Variants in GCN1 observed in about 807,000 individuals in gnomAD.
GCN1 encodes the protein GCN1 activator of EIF2AK4.
A neutral mutation model predicts 288.4 loss-of-function variants in GCN1; 90 were observed. The ratio of observed to expected loss-of-function variants is 0.31; its 90% CI spans 0.26 to 0.37. The LOEUF (loss-of-function observed/expected upper bound fraction) is 0.37. Ranked by LOEUF, GCN1 falls within the 10% of genes least tolerant of loss-of-function variation. The pLI, the probability that GCN1 is intolerant of heterozygous loss-of-function variation, is 1.00. For synonymous variants in GCN1, 1,386 were observed against 1,420.2 expected (o/e 0.98, Z 0.54); for missense variants, 2,586 against 3,419.9 (o/e 0.76, Z 6.08).
At position 120,153,743 on chromosome 12, in the gene GCN1, C is replaced by A; in HGVS notation, c.3867+1G>T. The A allele has an allele frequency of 6.2e-7, 1 of 1,613,660 alleles. No homozygotes were observed. Among genetic ancestry groups the A allele is most frequent in the Non-Finnish European group, 8.5e-7 (1 of 1,179,720 alleles). ...GTGTTCCCTGGCTGGGACCCCCTTACCTTCCCATGAGTGTTGAGCGTTGCG... is the reference window on the plus strand; with the variant it reads ...GTGTTCCCTGGCTGGGACCCCCTTAACTTCCCATGAGTGTTGAGCGTTGCG... On this transcript the variant is annotated splice_donor_variant, in intron 32 of 57. Coordinates refer to ENST00000300648, the MANE Select transcript of GCN1 (RefSeq NM_006836.2). LOFTEE classifies it high-confidence loss of function. The surrounding 1 kb of genome is among the most constrained non-coding windows in gnomAD (Gnocchi z 4.4).
chr12:120,140,883 G>T lies in GCN1; in HGVS notation c.5970C>A (p.Ile1990=). The change falls in exon 45 of 58, where the codon ATC becomes ATA. Residue 1990 remains isoleucine (I), a synonymous_variant. Coordinates refer to ENST00000300648, the MANE Select transcript of GCN1 (RefSeq NM_006836.2). ...RQGVCIGLSE[I]MKSTSRDAVL... ...CGGCATCCCGGCTGGTGGACTTCAT[G>T]ATCTCACTTAGGCCAATGCACACAC... 6.2e-7 allele frequency: 1 copy of T among 1,613,908 alleles called. No individual in the cohort carries two copies. Among genetic ancestry groups the T allele is most frequent in the Non-Finnish European group, 8.5e-7 (1 of 1,179,898 alleles).
rs745969478 is a variant in GCN1, at chr12:120,161,553, G to T, written c.2373C>A (p.Asn791Lys). The T allele has an allele frequency of 1.8e-5, 29 of 1,613,836 alleles. No individual in the cohort carries two copies. Among genetic ancestry groups the T allele is most frequent in the Non-Finnish European group, 2.3e-5 (27 of 1,179,828 alleles). Residue 791 changes from asparagine (N) to lysine (K), a missense_variant, in exon 22 of 58, where the codon AAC becomes AAA. Transcript: ENST00000300648. Reference sequence around the variant, plus strand: ...AATAAGCTTTGTTCTCTCGCTTCATGTTGGCCTTTTTTATGCTGTCCTGCT... The same window carrying T: ...AATAAGCTTTGTTCTCTCGCTTCATTTTGGCCTTTTTTATGCTGTCCTGCT... The part of the protein sequence containing the change: ...SAQQDSIKKA[N>K]MKRENKAYSF...
intron 14 of GCN1, among the ~76,000 whole-genome samples, chr12:120,173,120 C>A (rs1393883942): frequency 6.7e-6 from 1 of 148,280 alleles, no homozygotes. Context: ...AGTACAATGG[C>A]GCAATCTCGG....
At chr12:120,130,873 C>A (rs1390533415) in intron 55 of GCN1, 120 bp from the exon 56 acceptor site, 1 of 644,182 alleles carries the variant, frequency 1.6e-6, no homozygotes, top group East Asian at 2.7e-5. Flanking sequence ...TCACCCCTTA[C>A]ACCATGACAG....
chr12:120,131,474 C>A, intron 54 of GCN1, 141 bp from the exon 55 acceptor site: 1 of 747,716 alleles, frequency 1.3e-6, no homozygotes, highest in South Asian at 1.8e-5. Context: ...TTCACATGGA[C>A]CTCCCTGCTA....
In GCN1 at chr12:120,144,516, C is replaced by A; in HGVS notation, c.5353-68G>T. The A allele has an allele frequency of 6.3e-7, 1 of 1,578,082 alleles. No individual in the cohort carries two copies. The highest frequency in any genetic ancestry group is 8.6e-7 in the Non-Finnish European group (1 of 1,159,300). ...GGCCCCCAGCCCAAAAAACATGGGG[C>A]TCACTGAAGGCTGAGGGCTCTGCCA... On this transcript the variant is annotated intron_variant, in intron 41 of 57. Transcript: ENST00000300648. The surrounding 1 kb of genome is among the most constrained non-coding windows in gnomAD (Gnocchi z 4.7).
chr12:120,155,727 G>A lies in GCN1; in HGVS notation c.3313-8C>T, dbSNP rs1162505688. ...GTGGAGTTCCATCAGCCCCTGGAAG[G>A]GGTGGGATTGGACCGTGTGAGGCAT... is the stretch of plus-strand genomic sequence containing the variant. On this transcript the variant is annotated splice_region_variant and splice_polypyrimidine_tract_variant and intron_variant, in intron 28 of 57. Transcript: ENST00000300648. This position sits in a 1 kb window ranked among gnomAD's most constrained non-coding sequence, Gnocchi z 4.9. 2 of 1,613,840 alleles carry A rather than the reference G, an allele frequency of 1.2e-6. No homozygotes were observed. The highest frequency in any genetic ancestry group is 8.5e-7 in the Non-Finnish European group (1 of 1,179,906).
chr12:120,150,586 AAAAG>A (rs766827133), intron 34 of GCN1, among the ~76,000 whole-genome samples: 43 of 150,200 alleles, frequency 2.9e-4, no homozygotes, highest in Admixed American at 5.3e-4. Flanking sequence ...TCTCAAAAAA[AAAAG>A]AAAGAAAGAA....
At position 120,178,751 on chromosome 12, in the gene GCN1, C is replaced by T; in HGVS notation, c.534G>A (p.Gly178=). ...TGGCTGACAAGTACTGTTCCACCAGCCCGGGGTTCTGAAGAGGAAAGTGCC... is the reference window on the plus strand; with the variant it reads ...TGGCTGACAAGTACTGTTCCACCAGTCCGGGGTTCTGAAGAGGAAAGTGCC... ...KLTKLWKENP[G]LVEQYLSAIL... The change falls in exon 7 of 58, where the codon GGG becomes GGA. Residue 178 remains glycine (G), a synonymous_variant. Transcript: ENST00000300648. 6.2e-7 allele frequency: 1 copy of T among 1,614,240 alleles called. No individual in the cohort carries two copies.
At chr12:120,136,422 G>A (rs1470883449) in intron 51 of GCN1, 80 bp downstream of exon 51, 2 of 1,069,026 alleles carry the variant, frequency 1.9e-6, no homozygotes, top group Non-Finnish European at 2.8e-6. Context: ...CTGTTGCCCT[G>A]CTGCTACATG....
In GCN1 at chr12:120,129,397, A is replaced by C. The variant is rs978054862; in HGVS notation, c.7769T>G (p.Ile2590Ser). 6.2e-7 allele frequency: 1 copy of C among 1,613,882 alleles called. No individual in the cohort carries two copies. Among genetic ancestry groups the C allele is most frequent in the Non-Finnish European group, 8.5e-7 (1 of 1,179,778 alleles). The change falls in exon 57 of 58, where the codon ATC becomes AGC. Residue 2590 changes from isoleucine (I) to serine (S), a missense_variant. Ile to Ser is a moderately radical substitution (Grantham distance 142). Around this residue, in one of 8 missense-constraint regions of GCN1, gnomAD observed 355 missense variants for 431.1 expected, o/e 0.82. Transcript: ENST00000300648. ...AAGAAGAGCCTTCAGGATGGGCTTG[A>C]TGGCCTGGGGGTCCAGGGGAGGCAG... ...DPLPPLDPQA[I>S]KPILKALLDN...
At chr12:120,178,554 T>A (rs1878549532) in intron 7 of GCN1, 71 bp downstream of exon 7, 1 of 1,526,998 alleles carries the variant, frequency 6.5e-7, no homozygotes, top group Non-Finnish European at 9.1e-7. Context: ...CAGGTTCCCA[T>A]TCCTTCCCTC....
rs1877016608 is a variant in GCN1, at chr12:120,136,748, CA to C, written c.6778-17del. The C allele has an allele frequency of 6.3e-7, 1 of 1,592,172 alleles. No homozygotes were observed. On this transcript the variant is annotated splice_polypyrimidine_tract_variant and intron_variant, in intron 50 of 57. Transcript: ENST00000300648. ...AGGTCACTCCCTGACAAGAGAACCA[CA>C]ACTGAGAGTCAAATCTCAAACACCC...
Position 120,157,933 on chromosome 12 carries a change from C to T in GCN1, c.3003G>A (p.Glu1001=). 6.2e-7 allele frequency: 1 copy of T among 1,601,468 alleles called. No individual in the cohort carries two copies. The highest frequency in any genetic ancestry group is 8.5e-7 in the Non-Finnish European group (1 of 1,169,984). Residue 1001 remains glutamate, a synonymous_variant, in exon 26 of 58, where the codon GAG becomes GAA. Coordinates refer to ENST00000300648, the MANE Select transcript of GCN1 (RefSeq NM_006836.2). ...GGATCTGAAGAATCTGGGCCATCCA[C>T]TCCTCCTCCTCCTCACTGTGGTGGG... ...EMPHHSEEEE[E]WMAQILQILT...
At chr12:120,159,179 C>T (rs1029108214) in intron 24 of GCN1, among the ~76,000 whole-genome samples, 4 of 152,068 alleles carry the variant, frequency 2.6e-5, no homozygotes, top group African/African-American at 9.7e-5. Context: ...GTCATTCAGC[C>T]AAGAGTACAG....
At chr12:120,138,918 C>T in intron 45 of GCN1, 62 bp from the exon 46 acceptor site, 2 of 1,469,812 alleles carry the variant, frequency 1.4e-6, no homozygotes, top group South Asian at 1.3e-5. Context: ...CAGAAGCAGA[C>T]AAGAAGCACA....
intron 36 of GCN1, among the ~76,000 whole-genome samples, chr12:120,148,645 T>C (rs754144942): frequency 4.6e-5 from 7 of 152,196 alleles, no homozygotes; most frequent in Non-Finnish European, 8.8e-5. Flanking sequence ...TGAATTTCTC[T>C]GAACTGTTTC....
At chr12:120,169,529 A>C (rs1011489242) in intron 15 of GCN1, among the ~76,000 whole-genome samples, 2 of 152,056 alleles carry the variant, frequency 1.3e-5, no homozygotes, top group African/African-American at 4.8e-5. Context: ...TCTTAGACAA[A>C]GTCTCACTGT....
rs200773590 is a variant in GCN1, at chr12:120,158,565, G to A, written c.2800C>T (p.Leu934=). ...TCTTCCTGGCACCAGGACTTATCCA[G>A]GACACACTCTGGCTTCAGCAGGCGC... is the stretch of plus-strand genomic sequence containing the variant. The part of the protein sequence containing the change: ...TLRLLKPECV[L]DKSWCQEELS... Residue 934 remains leucine (L), a synonymous_variant, in exon 25 of 58, where the codon CTG becomes TTG. Transcript: ENST00000300648. This position sits in a 1 kb window ranked among gnomAD's most constrained non-coding sequence, Gnocchi z 4.3. 25 of 1,606,818 alleles carry A rather than the reference G, an allele frequency of 1.6e-5. No homozygotes were observed. The highest frequency in any genetic ancestry group is 1.2e-4 in the Admixed American group (7 of 59,020).
Sources: gnomAD v4.1 joint callset for allele counts (sites outside exome capture counted in the v4.1 genomes callset) on GRCh38, gnomAD v4.1.1 for gene constraint, gnomAD v4.1.1 regional missense constraint, Gnocchi (gnomAD v3.1) non-coding constraint, MANE v1.5 for transcripts, NCBI Gene and HGNC (gene_info 2026-07-23, HGNC 2026-07-21) for gene names.